Variants in UTRN observed in about 807,000 individuals in gnomAD.
UTRN encodes the protein dystrophin-related protein 1.
In UTRN, 283 loss-of-function variants were observed where a neutral mutation model predicts 463.9. The observed-to-expected ratio is 0.61, with a 90% confidence interval of 0.55 to 0.67. UTRN has a LOEUF of 0.67. Among genes scored for constraint, UTRN ranks in the 30% least tolerant of loss-of-function variants. The pLI is 0.00. For missense variants in UTRN, 3,922 were observed against 4,084.3 expected (o/e 0.96, Z 1.08); for synonymous variants, 1,442 against 1,431.5 (o/e 1.01, Z -0.17).
At chr6:144,809,345 C>T (rs75610003) in intron 65 of UTRN, among the ~76,000 whole-genome samples, 2,697 of 152,168 alleles carry the variant, frequency 0.018, 68 homozygotes, top group African/African-American at 0.059. Flanking sequence ...TTTGTGACTC[C>T]ATCATTGCTC....
chr6:144,629,740 T>C (rs950196686), intron 51 of UTRN, among the ~76,000 whole-genome samples: 6 of 152,242 alleles, frequency 3.9e-5, no homozygotes, highest in African/African-American at 1.4e-4. Context: ...TGCTTCTGCT[T>C]TAGCCATGGC....
At chr6:144,423,752 C>T (rs1307525131) in intron 5 of UTRN, 126 bp downstream of exon 5, 2 of 1,191,010 alleles carry the variant, frequency 1.7e-6, no homozygotes, top group Non-Finnish European at 2.4e-6. Flanking sequence ...ATGAGAAATA[C>T]TGAACTTTTT....
At chr6:144,708,340 T>C in intron 53 of UTRN, 1 of 666,896 alleles carries the variant, frequency 1.5e-6, no homozygotes, top group Non-Finnish European at 2.9e-6. Flanking sequence ...TATTTTCCAG[T>C]CCCAAAACTG....
chr6:144,812,480 T>C (rs754718818), intron 65 of UTRN, among the ~76,000 whole-genome samples: 2 of 152,162 alleles, frequency 1.3e-5, no homozygotes, highest in African/African-American at 2.4e-5. Flanking sequence ...AGTTCAGTAG[T>C]GCATAGATTT....
At chr6:144,727,638 A>G (rs1174420432) in intron 53 of UTRN, among the ~76,000 whole-genome samples, 2 of 152,208 alleles carry the variant, frequency 1.3e-5, no homozygotes, top group African/African-American at 2.4e-5. Context: ...GGGGCCCTGT[A>G]GTCCCAGCTA....
chr6:144,392,882 G>T (rs1404215932), intron 2 of UTRN, among the ~76,000 whole-genome samples: 1 of 152,138 alleles, frequency 6.6e-6, no homozygotes, highest in African/African-American at 2.4e-5. Flanking sequence ...GTGCTGCATT[G>T]CTGTGAGGCA....
At chr6:144,290,311 T>A (rs1399516314) in intron 1 of UTRN, among the ~76,000 whole-genome samples, 1 of 152,240 alleles carries the variant, frequency 6.6e-6, no homozygotes, top group African/African-American at 2.4e-5. Flanking sequence ...CATTTCATTG[T>A]CATGTCTATT....
chr6:144,699,704 C>T lies in UTRN; in HGVS notation c.7653-383C>T, dbSNP rs145973976. On this transcript the variant is annotated intron_variant, in intron 52 of 74. Coordinates refer to ENST00000367545, the MANE Select transcript of UTRN (RefSeq NM_007124.3). ...TGGTTTATAATTGTACATTCTATCA[C>T]GGACATCCTTCTTGAAAGCCTTCGT... Among the ~76,000 whole-genome samples the T allele has an allele frequency of 3.5e-3, 525 of 150,126 alleles. 3 individuals carry two copies. Among genetic ancestry groups the T allele is most frequent in the African/African-American group, 0.012 (491 of 41,180 alleles).
intron 35 of UTRN, among the ~76,000 whole-genome samples, chr6:144,512,862 G>A (rs944758799): frequency 2.0e-5 from 3 of 151,900 alleles, no homozygotes; most frequent in African/African-American, 7.2e-5. Context: ...TTTCAACTAT[G>A]TTTCATATTA....
intron 2 of UTRN, chr6:144,398,587 C>CTA (rs1214525582): frequency 1.7e-5 from 4 of 232,216 alleles, no homozygotes; most frequent in African/African-American, 9.4e-5. Flanking sequence ...CACCCAGGAG[C>CTA]TATGATACAT....
At chr6:144,344,513 A>C (rs1255335655) in intron 2 of UTRN, among the ~76,000 whole-genome samples, 3 of 152,210 alleles carry the variant, frequency 2.0e-5, no homozygotes, top group Non-Finnish European at 2.9e-5. Context: ...ACTTCTCTTC[A>C]GGAAGTGATA....
At chr6:144,345,623 C>T (rs969257548) in intron 2 of UTRN, among the ~76,000 whole-genome samples, 3 of 152,112 alleles carry the variant, frequency 2.0e-5, no homozygotes, top group African/African-American at 7.2e-5. Context: ...TAGTGAGCCA[C>T]GATCATGCCG....
chr6:144,764,217 A>C lies in UTRN; in HGVS notation c.8495+6228A>C, dbSNP rs1464516564. Among the ~76,000 whole-genome samples, 3 of 152,296 alleles carry C rather than the reference A, an allele frequency of 2.0e-5. No homozygotes were observed. The East Asian group carries it at 5.8e-4, about 29-fold the overall frequency. On this transcript the variant is annotated intron_variant, in intron 58 of 74. Transcript: ENST00000367545. Reference sequence around the variant, plus strand: ...CCTGGGCTTGGAGGGGCTTCAGATAAATGAGCATAAGCATACCTTGGCTAA... The same window carrying C: ...CCTGGGCTTGGAGGGGCTTCAGATACATGAGCATAAGCATACCTTGGCTAA...
At chr6:144,628,207 C>A (rs1010929817) in intron 51 of UTRN, among the ~76,000 whole-genome samples, 2 of 152,158 alleles carry the variant, frequency 1.3e-5, no homozygotes, top group African/African-American at 4.8e-5. Flanking sequence ...GTGAATAATG[C>A]TGCTATGAAC....
chr6:144,353,145 C>T (rs773919723), intron 2 of UTRN, among the ~76,000 whole-genome samples: 1 of 151,864 alleles, frequency 6.6e-6, no homozygotes, highest in Non-Finnish European at 1.5e-5. Context: ...GTAAGAGTCT[C>T]GCTCTGTTGC....
Position 144,525,380 on chromosome 6 carries a change from T to C in UTRN, c.5906+2192T>C, listed in dbSNP as rs149298375. ...ATCTTGCTGCTTGTTATTGGTCTGT[T>C]TAGAGTTTCTATTTCTTCCTGGTTT... On this transcript the variant is annotated intron_variant, in intron 41 of 74. Transcript: ENST00000367545. Among the ~76,000 whole-genome samples the C allele has an allele frequency of 8.6e-3, 1,316 of 152,258 alleles. 12 individuals are homozygous for C. The highest frequency in any genetic ancestry group is 0.028 in the South Asian group (137 of 4,822).
chr6:144,384,250 A>T (rs1781203849), intron 2 of UTRN, among the ~76,000 whole-genome samples: 1 of 152,140 alleles, frequency 6.6e-6, no homozygotes, highest in South Asian at 2.1e-4. Flanking sequence ...GTTGCCTGTT[A>T]GGAGGCGAGT....
chr6:144,428,233 A>T (rs1318547456), intron 7 of UTRN, among the ~76,000 whole-genome samples: 1 of 152,206 alleles, frequency 6.6e-6, no homozygotes, highest in Non-Finnish European at 1.5e-5. Flanking sequence ...AGGGGATTGG[A>T]GGGAAACTCT....
intron 50 of UTRN, 115 bp downstream of exon 50, chr6:144,557,426 T>A: frequency 2.3e-6 from 2 of 870,600 alleles, no homozygotes; most frequent in Non-Finnish European, 3.1e-6. Context: ...ATTTTATTAT[T>A]ATGTATTTTT....
Sources: allele counts gnomAD v4.1 joint callset (sites outside exome capture counted in the v4.1 genomes callset), GRCh38; gene constraint gnomAD v4.1.1; transcripts MANE v1.5; gene names NCBI Gene and HGNC (gene_info 2026-07-23, HGNC 2026-07-21).